The following FOXP1 variants were observed in gnomAD, a reference collection of about 807,000 sequenced individuals.
The protein encoded by FOXP1 is forkhead box P1, also known as forkhead box protein P1.
Under a neutral mutation model 98.2 loss-of-function variants are expected in FOXP1, and 15 were observed. That is an observed-to-expected ratio of 0.15 (90% confidence interval 0.10 to 0.24). The LOEUF is 0.24. Among genes scored for constraint, FOXP1 ranks in the 10% least tolerant of loss-of-function variants. The pLI, the probability that FOXP1 is intolerant of heterozygous loss-of-function variation, is 1.00. For missense variants in FOXP1, 633 were observed against 848.5 expected, an observed-to-expected ratio of 0.75 and a Z score of 3.15; for synonymous variants, 371 against 314.5, an observed-to-expected ratio of 1.18 and a Z score of -1.90.
chr3:71,533,409 A>T (rs1393121714), intron 2 of FOXP1, among the ~76,000 whole-genome samples: 2 of 152,248 alleles, frequency 1.3e-5, no homozygotes, highest in Admixed American at 1.3e-4. Context: ...ATTCTTAATA[A>T]CATTTCATTT....
intron 5 of FOXP1, among the ~76,000 whole-genome samples, chr3:71,201,333 C>T (rs944346483): frequency 1.1e-4 from 16 of 152,216 alleles, no homozygotes; most frequent in Admixed American, 1.0e-3. Context: ...CTTCCACAAA[C>T]TTGCCCCTTT....
intron 3 of FOXP1, among the ~76,000 whole-genome samples, chr3:71,428,628 C>CT (rs2084381896): frequency 6.6e-6 from 1 of 152,110 alleles, no homozygotes; most frequent in Non-Finnish European, 1.5e-5. Context: ...CTAAAGAGGC[C>CT]CCCCTATGAA....
intron 3 of FOXP1, among the ~76,000 whole-genome samples, chr3:71,419,766 C>T (rs1044194911): frequency 6.6e-6 from 1 of 152,106 alleles, no homozygotes; most frequent in Non-Finnish European, 1.5e-5. Flanking sequence ...TGTACATACA[C>T]ATACATATAT....
chr3:71,066,945 ATAAT>A (rs2052589483), intron 7 of FOXP1, among the ~76,000 whole-genome samples: 1 of 152,226 alleles, frequency 6.6e-6, no homozygotes, highest in South Asian at 2.1e-4. Flanking sequence ...CTTAAACAAA[ATAAT>A]TAGAGAGTGA....
chr3:71,192,808 C>G (rs12489423), intron 6 of FOXP1, among the ~76,000 whole-genome samples: 13 of 152,224 alleles, frequency 8.5e-5, no homozygotes, highest in Admixed American at 8.5e-4. Context: ...TGCCATCACC[C>G]CTAGATAACT....
intron 5 of FOXP1, among the ~76,000 whole-genome samples, chr3:71,241,195 G>A (rs1251806828): frequency 6.6e-6 from 1 of 151,530 alleles, no homozygotes; most frequent in African/African-American, 2.4e-5. Flanking sequence ...AGGCGACAGT[G>A]TGAGATTCCA....
In FOXP1 at chr3:71,183,407, G is replaced by A. The variant is rs921365869; in HGVS notation, c.180+14795C>T. 2.0e-5 allele frequency among the ~76,000 whole-genome samples: 3 copies of A among 152,146 alleles called. No homozygotes were observed. The South Asian group carries it at 6.2e-4, about 32-fold the overall frequency. On this transcript the variant is annotated intron_variant, in intron 6 of 20. Coordinates refer to ENST00000649528, the MANE Select transcript of FOXP1 (RefSeq NM_001349338.3). ...CCAGCTACTCAGGAGGCTGAGGGAG[G>A]AGAATCGCTTGAACCCAGGAGGCGG...
At chr3:71,492,776 C>CAA (rs1219213700) in intron 3 of FOXP1, among the ~76,000 whole-genome samples, 1 of 152,212 alleles carries the variant, frequency 6.6e-6, no homozygotes, top group African/African-American at 2.4e-5. Context: ...AATGACAAGT[C>CAA]ACAGTGTTCA....
chr3:70,958,076 A>AG lies in FOXP1; in HGVS notation c.*1170dup. ...AGGCCCATGGCAACTTGGTTCCACA[A>AG]GGGAGAGCCTTCCAAGGCCATATTG... On this transcript the variant is annotated 3_prime_UTR_variant, in exon 21 of 21. Transcript: ENST00000649528. 3.4e-6 allele frequency: 1 copy of AG among 295,108 alleles called. No homozygotes were observed. Among genetic ancestry groups the AG allele is most frequent in the East Asian group, 5.1e-5 (1 of 19,634 alleles). The allele number at this position is 295,108 out of a possible 1,614,324, so 18.3% of individuals were successfully genotyped here. A position where few individuals can be genotyped will look rare whatever the true frequency, so the allele number is the denominator to read the frequency against.
At position 70,979,279 on chromosome 3, in the gene FOXP1, CAAA is replaced by C. The variant is rs544916383; in HGVS notation, c.1147-1253_1147-1251del. Among the ~76,000 whole-genome samples, 142 of 42,480 alleles carry C rather than the reference CAAA, an allele frequency of 3.3e-3. 2 individuals carry two copies. Among genetic ancestry groups the C allele is most frequent in the South Asian group, 0.031 (21 of 676 alleles). 27.9% of individuals were successfully genotyped at this position (42,480 alleles called of 152,430 possible). On this transcript the variant is annotated intron_variant, in intron 14 of 20. Transcript: ENST00000649528. ...TGGGTGATAGAGTGAGACTCTACCT[CAAA>C]AAAAAAAAAAAAAAAAAAAAAAAAA...
chr3:71,358,058 C>A (rs1283344191), intron 4 of FOXP1, among the ~76,000 whole-genome samples: 1 of 152,086 alleles, frequency 6.6e-6, no homozygotes, highest in African/African-American at 2.4e-5. Flanking sequence ...ATTGCTAGCC[C>A]AGGGAAGCAT....
chr3:71,011,249 C>G (rs1437715250), intron 12 of FOXP1, among the ~76,000 whole-genome samples: 2 of 152,088 alleles, frequency 1.3e-5, no homozygotes, highest in African/African-American at 4.8e-5. Context: ...ATCCCCAGCC[C>G]CCATGTGGTT....
chr3:71,364,372 C>T (rs972610453), intron 3 of FOXP1, among the ~76,000 whole-genome samples: 2 of 152,202 alleles, frequency 1.3e-5, no homozygotes, highest in Non-Finnish European at 2.9e-5. Context: ...ATGTGTCAGA[C>T]ATAGTTTTAC....
chr3:71,543,673 C>G (rs1406299828), intron 2 of FOXP1: 2 of 152,254 alleles, frequency 1.3e-5, no homozygotes, highest in Non-Finnish European at 2.9e-5. Context: ...GAGCTGACAT[C>G]CCCCAGTTTC....
At chr3:71,101,112 A>G (rs563152622) in intron 7 of FOXP1, among the ~76,000 whole-genome samples, 5 of 152,296 alleles carry the variant, frequency 3.3e-5, no homozygotes, top group Admixed American at 2.0e-4. Context: ...GAACGGACAG[A>G]AAATACCAGC....
chr3:71,568,374 G>A (rs1268860976), intron 2 of FOXP1, among the ~76,000 whole-genome samples: 1 of 152,104 alleles, frequency 6.6e-6, no homozygotes, highest in Non-Finnish European at 1.5e-5. Flanking sequence ...TTCTACAGAG[G>A]AAGAACCCTT....
At chr3:71,313,854 G>A (rs1465366064) in intron 4 of FOXP1, among the ~76,000 whole-genome samples, 1 of 152,054 alleles carries the variant, frequency 6.6e-6, no homozygotes, top group Non-Finnish European at 1.5e-5. Flanking sequence ...TGCATCCTTG[G>A]GCTGCCTCAC....
chr3:71,345,627 C>T (rs753564315), intron 4 of FOXP1, among the ~76,000 whole-genome samples: 9 of 151,588 alleles, frequency 5.9e-5, no homozygotes, highest in African/African-American at 1.7e-4. Context: ...CTTATTTTGG[C>T]GATGAAAACA....
chr3:71,515,284 C>A (rs1007024414), intron 2 of FOXP1, among the ~76,000 whole-genome samples: 49 of 152,056 alleles, frequency 3.2e-4, no homozygotes, highest in African/African-American at 9.9e-4. Flanking sequence ...GCTATGTGGA[C>A]CAGTATCTCC....
Sources: gnomAD v4.1 joint callset for allele counts (sites outside exome capture counted in the v4.1 genomes callset) on GRCh38, gnomAD v4.1.1 for gene constraint, MANE v1.5 for transcripts, NCBI Gene and HGNC (gene_info 2026-07-23, HGNC 2026-07-21) for gene names.